The following SMARCA4 variants were observed in gnomAD, a reference collection of about 807,000 sequenced individuals.
The protein encoded by SMARCA4 is SWI/SNF related BAF chromatin remodeling complex subunit ATPase 4, also known as SWI/SNF-related matrix-associated actin-dependent regulator of chromatin subfamily A member 4.
Under a neutral mutation model 193.9 loss-of-function variants are expected in SMARCA4, and 31 were observed. The ratio of observed to expected loss-of-function variants is 0.16; its 90% CI spans 0.12 to 0.22. SMARCA4 has a LOEUF of 0.22. Among genes scored for constraint, SMARCA4 ranks in the 10% least tolerant of loss-of-function variants. The pLI is 1.00. For missense variants in SMARCA4, 1,148 were observed against 2,296.0 expected (o/e 0.50, Z 10.22); for synonymous variants, 942 against 933.1 (o/e 1.01, Z -0.17).
intron 11 of SMARCA4, among the ~76,000 whole-genome samples, chr19:10,997,054 C>T (rs2087130596): frequency 6.6e-6 from 1 of 151,532 alleles, no homozygotes; most frequent in African/African-American, 2.4e-5. Flanking sequence ...GAGTTTTGCT[C>T]TTTTGCCCAG....
intron 30 of SMARCA4, among the ~76,000 whole-genome samples, chr19:11,052,652 T>TC (rs2076325869): frequency 6.6e-6 from 1 of 152,196 alleles, no homozygotes; most frequent in South Asian, 2.1e-4. Context: ...TCAGAGCCAC[T>TC]CAGGATTCCA....
intron 13 of SMARCA4, 71 bp from the exon 14 acceptor site, chr19:11,007,829 GTT>G (rs2088380478): frequency 7.7e-6 from 12 of 1,555,038 alleles, no homozygotes; most frequent in Non-Finnish European, 1.1e-5. Context: ...TTCTGAGACT[GTT>G]CTCCCCATGG....
intron 30 of SMARCA4, among the ~76,000 whole-genome samples, chr19:11,042,830 T>C (rs946872185): frequency 3.3e-5 from 5 of 151,440 alleles, no homozygotes; most frequent in Admixed American, 2.0e-4. Context: ...TTACTGAAAA[T>C]AGGAAAACAA....
At position 11,018,996 on chromosome 19, in the gene SMARCA4, C is replaced by G. The variant is rs2146360555; in HGVS notation, c.2478C>G (p.Ala826=). The G allele has an allele frequency of 6.2e-7, 1 of 1,614,122 alleles. No individual in the cohort carries two copies. The highest frequency in any genetic ancestry group is 1.1e-5 in the South Asian group (1 of 91,086). Residue 826 remains alanine, a synonymous_variant, in exon 17 of 35, where the codon GCC becomes GCG. Transcript: ENST00000344626. ...GGGCGTACGAGTTTGACAAGTGGGCCCCCTCCGTGGTGAAGGTGTCTTACA... is the reference window on the plus strand; with the variant it reads ...GGGCGTACGAGTTTGACAAGTGGGCGCCCTCCGTGGTGAAGGTGTCTTACA... The part of the protein sequence containing the change: ...SNWAYEFDKW[A]PSVVKVSYKG...
intron 30 of SMARCA4, among the ~76,000 whole-genome samples, chr19:11,044,991 C>T (rs2075818275): frequency 6.6e-6 from 1 of 152,180 alleles, no homozygotes; most frequent in Non-Finnish European, 1.5e-5. Context: ...CTGGAAGAAG[C>T]TTACATTTTG....
At position 11,034,665 on chromosome 19, in the gene SMARCA4, T is replaced by C. The variant is rs1278167546; in HGVS notation, c.3952-249T>C. Among the ~76,000 whole-genome samples, 1 of 152,204 alleles carries C rather than the reference T, an allele frequency of 6.6e-6. No individual in the cohort carries two copies. Among genetic ancestry groups the C allele is most frequent in the East Asian group, 1.9e-4 (1 of 5,172 alleles). On this transcript the variant is annotated intron_variant, in intron 28 of 34. Transcript: ENST00000344626. The surrounding 1 kb of genome is among the most constrained non-coding windows in gnomAD (Gnocchi z 7.0). ...CAGCTGCTGCCCCCCTGCTGGGGTCTGCAGCCCTCTTGTGCAACCTTCCAT... is the reference window on the plus strand; with the variant it reads ...CAGCTGCTGCCCCCCTGCTGGGGTCCGCAGCCCTCTTGTGCAACCTTCCAT...
intron 8 of SMARCA4, among the ~76,000 whole-genome samples, chr19:10,993,706 C>T (rs891586744): frequency 2.6e-5 from 4 of 151,182 alleles, no homozygotes; most frequent in African/African-American, 7.3e-5. Flanking sequence ...AGTGCAGTGG[C>T]GCGATCTCGG....
At chr19:10,969,579 C>CCT (rs2084515726) in intron 1 of SMARCA4, among the ~76,000 whole-genome samples, 1 of 151,582 alleles carries the variant, frequency 6.6e-6, no homozygotes, top group African/African-American at 2.4e-5. Flanking sequence ...TACAGGCATG[C>CCT]ACCACCACAC....
At chr19:10,976,476 C>G (rs920681743) in intron 1 of SMARCA4, among the ~76,000 whole-genome samples, 3 of 152,132 alleles carry the variant, frequency 2.0e-5, no homozygotes, top group Non-Finnish European at 2.9e-5. Flanking sequence ...GTGGCTTGGG[C>G]TAGGTGCGGT....
intron 1 of SMARCA4, chr19:10,961,657 C>A (rs1484390232): frequency 6.6e-6 from 1 of 152,178 alleles, no homozygotes; most frequent in Non-Finnish European, 1.5e-5. Context: ...CGGACACGGG[C>A]ATTAGCGGTC....
chr19:11,051,592 G>A (rs1430164326), intron 30 of SMARCA4, among the ~76,000 whole-genome samples: 1 of 150,934 alleles, frequency 6.6e-6, no homozygotes, highest in Non-Finnish European at 1.5e-5. Flanking sequence ...CTGGGTTCAA[G>A]CAATTCTCCT....
chr19:11,056,391 TC>T (rs1393266784), intron 30 of SMARCA4: 13 of 152,190 alleles, frequency 8.5e-5, no homozygotes, highest in Admixed American at 5.2e-4. Flanking sequence ...GGGTATGTGC[TC>T]CCATGCTGGA....
rs368921355 is a variant in SMARCA4 at position 11,041,103 on chromosome 19, TG to T, written c.4171-199del. 1.7e-6 allele frequency: 1 copy of T among 581,470 alleles called. No individual in the cohort carries two copies. Among genetic ancestry groups the T allele is most frequent in the Non-Finnish European group, 3.0e-6 (1 of 331,022 alleles). The allele number at this position is 581,470 out of a possible 1,614,324, so 36.0% of individuals were successfully genotyped here. On this transcript the variant is annotated intron_variant, in intron 29 of 34. Coordinates refer to ENST00000344626, the MANE Select transcript of SMARCA4 (RefSeq NM_003072.5). The surrounding 1 kb of genome is among the most constrained non-coding windows in gnomAD (Gnocchi z 5.6). ...AGACAAGCTTGGGTGGGGTGCCTGC[TG>T]GGGGCAGTGCTGGTCTTTCACTGCA...
intron 1 of SMARCA4, among the ~76,000 whole-genome samples, chr19:10,962,881 T>C (rs949916159): frequency 6.6e-6 from 1 of 152,104 alleles, no homozygotes; most frequent in Non-Finnish European, 1.5e-5. Context: ...GACTAGCCAT[T>C]GTTCCCCTCA....
intron 1 of SMARCA4, among the ~76,000 whole-genome samples, chr19:10,976,280 G>T (rs922339070): frequency 1.5e-4 from 23 of 152,128 alleles, no homozygotes; most frequent in Admixed American, 1.5e-3. Context: ...TGGCCTTCCC[G>T]TGTAGACATC....
At chr19:11,053,451 CAAAAA>C (rs34525605) in intron 30 of SMARCA4, among the ~76,000 whole-genome samples, 2 of 64,818 alleles carry the variant, frequency 3.1e-5, no homozygotes, top group Non-Finnish European at 3.1e-5. Flanking sequence ...GACTCCGTCT[CAAAAA>C]AAAAAAAAAA....
At position 10,994,543 on chromosome 19, in the gene SMARCA4, C is replaced by T. The variant is rs138310309; in HGVS notation, c.1420-285C>T. On this transcript the variant is annotated intron_variant, in intron 8 of 34. Transcript: ENST00000344626. ...GATGGGGTTTTACCATGGTCTCGAT[C>T]TCCTGACCTCATGATCCGCCCGCCT... Among the ~76,000 whole-genome samples the T allele has an allele frequency of 0.029, 4,406 of 151,910 alleles. 101 individuals carry two copies. Among genetic ancestry groups the T allele is most frequent in the Non-Finnish European group, 0.041 (2,782 of 67,930 alleles).
Position 11,034,152 on chromosome 19 carries a change from C to A in SMARCA4, c.3903C>A (p.Thr1301=), listed in dbSNP as rs147314370. 6.2e-7 allele frequency: 1 copy of A among 1,613,810 alleles called. No individual in the cohort carries two copies. The highest frequency in any genetic ancestry group is 8.5e-7 in the Non-Finnish European group (1 of 1,179,962). ...KEEDEVPDDE[T]VNQMIARHEE... is the part of the protein sequence containing the mutation. ...AAGACGAGGTGCCCGACGACGAGAC[C>A]GTCAACCAGATGATCGCCCGGCACG... Residue 1301 remains threonine, a synonymous_variant, in exon 28 of 35, where the codon ACC becomes ACA. Transcript: ENST00000344626. This position sits in a 1 kb window ranked among gnomAD's most constrained non-coding sequence, Gnocchi z 7.0.
At chr19:11,050,645 T>C (rs1460602627) in intron 30 of SMARCA4, among the ~76,000 whole-genome samples, 1 of 152,256 alleles carries the variant, frequency 6.6e-6, no homozygotes, top group East Asian at 1.9e-4. Context: ...CTCCTGGCTC[T>C]TCAGAGTTGA....
Sources: gnomAD v4.1 joint callset for allele counts (sites outside exome capture counted in the v4.1 genomes callset) on GRCh38, gnomAD v4.1.1 for gene constraint, Gnocchi (gnomAD v3.1) non-coding constraint, MANE v1.5 for transcripts, NCBI Gene and HGNC (gene_info 2026-07-23, HGNC 2026-07-21) for gene names.